SDK1: variants seen among roughly 807,000 people sequenced by gnomAD.
The protein encoded by SDK1 is sidekick cell adhesion molecule 1.
A neutral mutation model predicts 245.5 loss-of-function variants in SDK1; 157 were observed. The observed-to-expected ratio is 0.64, with a 90% CI of 0.56 to 0.73. The LOEUF (loss-of-function observed/expected upper bound fraction) is 0.73, where lower values mean the gene tolerates loss of function less well. Ranked by LOEUF, SDK1 falls within the 30% of genes least tolerant of loss-of-function variation. SDK1 has a pLI of 0.00. For missense variants in SDK1, 3,583 were observed against 3,002.3 expected (o/e 1.19, Z -4.52); for synonymous variants, 1,647 against 1,278.5 (o/e 1.29, Z -6.15).
intron 7 of SDK1, among the ~76,000 whole-genome samples, chr7:3,956,561 A>G (rs1206612855): frequency 6.6e-6 from 1 of 152,232 alleles, no homozygotes; most frequent in African/African-American, 2.4e-5. Context: ...AGCTAAGAGC[A>G]TCCACAATGA....
intron 32 of SDK1, among the ~76,000 whole-genome samples, chr7:4,163,433 G>A (rs917153069): frequency 6.6e-6 from 1 of 152,188 alleles, no homozygotes; most frequent in Non-Finnish European, 1.5e-5. Flanking sequence ...CATGCCCTCC[G>A]CCGGTGCAGG....
intron 16 of SDK1, among the ~76,000 whole-genome samples, chr7:4,013,680 C>T (rs930890968): frequency 5.3e-5 from 8 of 152,150 alleles, no homozygotes; most frequent in South Asian, 2.1e-4. Context: ...ACCAATTTGC[C>T]GCTGTTTACA....
intron 4 of SDK1, among the ~76,000 whole-genome samples, chr7:3,816,946 T>C (rs1304512028): frequency 6.6e-6 from 1 of 151,768 alleles, no homozygotes; most frequent in Admixed American, 6.6e-5. Flanking sequence ...CAATTGAAAC[T>C]AGTCAAATGT....
chr7:3,565,833 T>C (rs1779897279), intron 1 of SDK1, among the ~76,000 whole-genome samples: 1 of 152,200 alleles, frequency 6.6e-6, no homozygotes, highest in South Asian at 2.1e-4. Context: ...TCTGTACATA[T>C]TCAGTACAAA....
chr7:3,499,695 A>G (rs1320652593), intron 1 of SDK1, among the ~76,000 whole-genome samples: 5 of 152,172 alleles, frequency 3.3e-5, no homozygotes, highest in Non-Finnish European at 7.4e-5. Context: ...AGGCTACTAT[A>G]AGAAGAGAAA....
chr7:4,260,439 G>A (rs1787914048), intron 44 of SDK1, among the ~76,000 whole-genome samples: 2 of 138,882 alleles, frequency 1.4e-5, no homozygotes, highest in East Asian at 2.2e-4. Flanking sequence ...GTCACCTGAT[G>A]GAGAAGCTGG....
chr7:3,690,266 T>G (rs1360473067), intron 4 of SDK1, among the ~76,000 whole-genome samples: 1 of 152,200 alleles, frequency 6.6e-6, no homozygotes, highest in African/African-American at 2.4e-5. Context: ...AATCCAGAAC[T>G]AAATGACAGG....
chr7:4,017,936 G>A (rs543072491), intron 17 of SDK1, among the ~76,000 whole-genome samples: 17 of 152,232 alleles, frequency 1.1e-4, no homozygotes, highest in African/African-American at 3.1e-4. Context: ...GGTGAGATCC[G>A]GGTGCGGCGT....
chr7:3,591,099 T>C (rs1038202477), intron 1 of SDK1, among the ~76,000 whole-genome samples: 4 of 152,220 alleles, frequency 2.6e-5, no homozygotes, highest in African/African-American at 9.6e-5. Flanking sequence ...TGTTTAAAGG[T>C]AGATTCCTGT....
chr7:3,394,771 G>T (rs1245362955), intron 1 of SDK1, among the ~76,000 whole-genome samples: 2 of 151,902 alleles, frequency 1.3e-5, no homozygotes, highest in Non-Finnish European at 2.9e-5. Flanking sequence ...ATGCTATTGT[G>T]AATGTGTCTC....
intron 5 of SDK1, among the ~76,000 whole-genome samples, chr7:3,930,684 T>C (rs1486090117): frequency 1.3e-5 from 2 of 152,022 alleles, no homozygotes; most frequent in Non-Finnish European, 2.9e-5. Context: ...TCCCAGCTAC[T>C]TGGGAGGCTG....
intron 1 of SDK1, among the ~76,000 whole-genome samples, chr7:3,310,490 G>C (rs34431029): frequency 0.15 from 23,283 of 152,094 alleles, 2,796 homozygotes; most frequent in African/African-American, 0.33. Flanking sequence ...AAAATACATG[G>C]GATTTGGTCA....
At chr7:4,205,704 T>C (rs1477922261) in intron 35 of SDK1, among the ~76,000 whole-genome samples, 175 bp from the exon 36 acceptor site, 2 of 152,180 alleles carry the variant, frequency 1.3e-5, no homozygotes, top group African/African-American at 4.8e-5. Flanking sequence ...GAGCCACGGA[T>C]CCCAGGACAT....
intron 1 of SDK1, among the ~76,000 whole-genome samples, chr7:3,340,220 G>C (rs1009316841): frequency 6.6e-6 from 1 of 151,904 alleles, no homozygotes; most frequent in Non-Finnish European, 1.5e-5. Context: ...GGCGGATTTG[G>C]TTTCAGACTA....
At chr7:3,638,542 C>G (rs560207013) in intron 2 of SDK1, among the ~76,000 whole-genome samples, 1 of 149,084 alleles carries the variant, frequency 6.7e-6, no homozygotes, top group Non-Finnish European at 1.5e-5. Flanking sequence ...GGACAAAAAA[C>G]CAAACACCGC....
intron 1 of SDK1, among the ~76,000 whole-genome samples, chr7:3,453,294 A>G (rs1353949753): frequency 6.6e-6 from 1 of 152,186 alleles, no homozygotes; most frequent in African/African-American, 2.4e-5. Flanking sequence ...CTTGTAAGGG[A>G]TGCAGAGCCC....
chr7:3,822,046 A>T (rs1562469258), intron 5 of SDK1, among the ~76,000 whole-genome samples: 1 of 152,236 alleles, frequency 6.6e-6, no homozygotes, highest in African/African-American at 2.4e-5. Context: ...CATTTTTTCC[A>T]CCTAATTTAA....
intron 4 of SDK1, among the ~76,000 whole-genome samples, chr7:3,769,900 C>T (rs1780358136): frequency 6.6e-6 from 1 of 151,710 alleles, no homozygotes; most frequent in Non-Finnish European, 1.5e-5. Context: ...GAAAGTCAAA[C>T]ACTCAGATTT....
chr7:3,678,625 G>A (rs1421834189), intron 4 of SDK1, among the ~76,000 whole-genome samples: 1 of 152,196 alleles, frequency 6.6e-6, no homozygotes, highest in Non-Finnish European at 1.5e-5. Flanking sequence ...ATGGCCCTGG[G>A]GGGAGGGAGA....
Sources: gnomAD v4.1 joint callset for allele counts (sites outside exome capture counted in the v4.1 genomes callset) on GRCh38, gnomAD v4.1.1 for gene constraint, MANE v1.5 for transcripts, NCBI Gene and HGNC (gene_info 2026-07-23, HGNC 2026-07-21) for gene names.